The following LRRC28 variants were observed in gnomAD, a reference collection of about 807,000 sequenced individuals.
LRRC28 encodes the protein leucine rich repeat containing 28.
LRRC28 carries 39 observed loss-of-function variants against 45.7 expected under a neutral mutation model. That is an observed-to-expected ratio of 0.85 (90% CI 0.66 to 1.12). LRRC28 has a LOEUF of 1.12. LRRC28 is among the 50% of genes most tolerant of loss of function. The pLI is 0.00. For missense variants in LRRC28, 435 were observed against 438.5 expected (o/e 0.99, Z 0.07); for synonymous variants, 206 against 178.8 (o/e 1.15, Z -1.22).
chr15:99,317,977 G>A (rs1445666684), intron 5 of LRRC28, among the ~76,000 whole-genome samples: 1 of 152,134 alleles, frequency 6.6e-6, no homozygotes, highest in Non-Finnish European at 1.5e-5. Flanking sequence ...ATTCTGGTAT[G>A]TATTGACTGC....
chr15:99,258,213 G>T (rs2081082860), intron 2 of LRRC28: 29 of 1,608,176 alleles, frequency 1.8e-5, no homozygotes, highest in Non-Finnish European at 2.3e-5. Context: ...TTTGGTGTCA[G>T]TTTCTATTCC....
chr15:99,289,400 C>A (rs532710842), intron 5 of LRRC28, among the ~76,000 whole-genome samples: 2 of 152,206 alleles, frequency 1.3e-5, no homozygotes, highest in East Asian at 1.9e-4. Flanking sequence ...CACCAACCAG[C>A]CTTTTAGTGT....
intron 3 of LRRC28, among the ~76,000 whole-genome samples, chr15:99,283,715 TA>T (rs1331984363): frequency 2.6e-5 from 4 of 151,542 alleles, no homozygotes; most frequent in Non-Finnish European, 5.9e-5. Flanking sequence ...ATTTAACATT[TA>T]AAAAAAACTG....
chr15:99,265,709 T>G (rs2081314734), intron 2 of LRRC28, among the ~76,000 whole-genome samples: 1 of 152,182 alleles, frequency 6.6e-6, no homozygotes, highest in African/African-American at 2.4e-5. Context: ...AGCGGGTGTT[T>G]CATGGTTTGG....
At chr15:99,281,921 A>AT (rs2081804423) in intron 3 of LRRC28, among the ~76,000 whole-genome samples, 1 of 151,978 alleles carries the variant, frequency 6.6e-6, no homozygotes, top group South Asian at 2.1e-4. Context: ...CAGCTGATTG[A>AT]TTTTCAGGTG....
In LRRC28 at chr15:99,363,213, T is replaced by C. The variant is rs1050987854; in HGVS notation, c.979T>C (p.Tyr327His). ...RCSEPMFTIV[Y>H]PKLFPLRETP... ...TAGTGAGCCTATGTTTACCATCGTC[T>C]ACCCCAAGCTCTTTCCCTTGAGAGA... Residue 327 changes from tyrosine (Y) to histidine (H), a missense_variant, in exon 9 of 10, where the codon TAC becomes CAC. Tyr to His is a moderately conservative substitution (Grantham distance 83). Coordinates refer to ENST00000301981, the MANE Select transcript of LRRC28 (RefSeq NM_144598.5). 17 of 1,613,962 alleles carry C rather than the reference T, an allele frequency of 1.1e-5. No individual in the cohort carries two copies. The highest frequency in any genetic ancestry group is 1.4e-5 in the Non-Finnish European group (17 of 1,179,926).
At position 99,260,332 on chromosome 15, in the gene LRRC28, T is replaced by G. The variant is rs555489551; in HGVS notation, c.168+4207T>G. ...CTTGTGGTAGTTTCTCAGCTTCAGT[T>G]TTTTATTTATGAAAATAAGAATCTA... is the stretch of plus-strand genomic sequence containing the variant. On this transcript the variant is annotated intron_variant, in intron 2 of 9. Transcript: ENST00000301981. 3.3e-5 allele frequency among the ~76,000 whole-genome samples: 5 copies of G among 152,346 alleles called. No individual in the cohort carries two copies. The South Asian group carries it at 1.0e-3, about 32-fold the overall frequency.
At chr15:99,346,467 A>C (rs1265499993) in intron 6 of LRRC28, among the ~76,000 whole-genome samples, 1 of 152,234 alleles carries the variant, frequency 6.6e-6, no homozygotes, top group Non-Finnish European at 1.5e-5. Flanking sequence ...AATAAAATTA[A>C]TGCAGAGTAA....
chr15:99,292,758 T>G (rs898760020), intron 5 of LRRC28, among the ~76,000 whole-genome samples: 1 of 152,208 alleles, frequency 6.6e-6, no homozygotes, highest in Non-Finnish European at 1.5e-5. Context: ...CTTTAACCCT[T>G]GTCTGTGGCA....
intron 5 of LRRC28, among the ~76,000 whole-genome samples, chr15:99,291,732 A>G (rs2082127343): frequency 6.6e-6 from 1 of 152,206 alleles, no homozygotes; most frequent in Admixed American, 6.5e-5. Flanking sequence ...TTTATATCCA[A>G]TATTTAAAAT....
intron 9 of LRRC28, among the ~76,000 whole-genome samples, chr15:99,365,032 A>T (rs558384677): frequency 6.6e-6 from 1 of 152,220 alleles, no homozygotes; most frequent in Non-Finnish European, 1.5e-5. Flanking sequence ...TGTAAACAAA[A>T]TGATAGGGTC....
chr15:99,252,194 G>C (rs1044248147), intron 1 of LRRC28, among the ~76,000 whole-genome samples: 1 of 152,184 alleles, frequency 6.6e-6, no homozygotes, highest in Non-Finnish European at 1.5e-5. Context: ...AACTATACAA[G>C]AGGTAGTTTG....
chr15:99,299,161 A>G (rs2082336161), intron 5 of LRRC28, among the ~76,000 whole-genome samples: 1 of 152,230 alleles, frequency 6.6e-6, no homozygotes, highest in Admixed American at 6.5e-5. Flanking sequence ...TAGTGATTTG[A>G]TGTATTGCAT....
Position 99,358,954 on chromosome 15 carries a change from T to TAATC in LRRC28, c.696-2381_696-2378dup, listed in dbSNP as rs202216641. ...AACCGGACGTGGTGGCGGGTGCCTG[T>TAATC]AATCCTAGCTACTCAGGAGGCTGAG... is the stretch of plus-strand genomic sequence containing the variant. On this transcript the variant is annotated intron_variant, in intron 7 of 9. Transcript: ENST00000301981. Among the ~76,000 whole-genome samples the TAATC allele has an allele frequency of 5.4e-3, 823 of 152,064 alleles. 8 individuals carry two copies. The highest frequency in any genetic ancestry group is 0.019 in the African/African-American group (798 of 41,482).
chr15:99,285,503 T>C, intron 3 of LRRC28: 1 of 1,075,442 alleles, frequency 9.3e-7, no homozygotes, highest in Non-Finnish European at 1.4e-6. Context: ...CTCTCATCGG[T>C]TGTTTCAAAG....
At chr15:99,322,438 A>G (rs1955830978) in intron 5 of LRRC28, among the ~76,000 whole-genome samples, 1 of 152,050 alleles carries the variant, frequency 6.6e-6, no homozygotes, top group South Asian at 2.1e-4. Flanking sequence ...AGGCTAACAG[A>G]TTCAGTATGG....
intron 9 of LRRC28, among the ~76,000 whole-genome samples, chr15:99,382,263 T>C (rs888559077): frequency 2.0e-5 from 3 of 152,192 alleles, no homozygotes; most frequent in Non-Finnish European, 4.4e-5. Flanking sequence ...ACTGCCACCT[T>C]GCAGATGGAT....
At chr15:99,337,022 G>T (rs1262416616) in intron 6 of LRRC28, among the ~76,000 whole-genome samples, 2 of 152,198 alleles carry the variant, frequency 1.3e-5, no homozygotes, top group Non-Finnish European at 2.9e-5. Context: ...TAGAGCCCTG[G>T]CTCTGCCTAG....
intron 3 of LRRC28, among the ~76,000 whole-genome samples, chr15:99,282,363 G>A (rs945220768): frequency 1.3e-5 from 2 of 151,908 alleles, no homozygotes; most frequent in African/African-American, 4.8e-5. Flanking sequence ...GGGAGATTGT[G>A]TGGCTTACTT....
Sources: allele counts gnomAD v4.1 joint callset (sites outside exome capture counted in the v4.1 genomes callset), GRCh38; gene constraint gnomAD v4.1.1; transcripts MANE v1.5; gene names NCBI Gene and HGNC (gene_info 2026-07-23, HGNC 2026-07-21).